Variants in PCDHGB3 observed in about 807,000 individuals in gnomAD.
PCDHGB3 encodes protocadherin gamma subfamily B, 3, also known as protocadherin gamma-B3.
PCDHGB3 carries 40 observed loss-of-function variants against 59.2 expected under a neutral mutation model. The observed-to-expected ratio is 0.68, with a 90% CI of 0.52 to 0.88. PCDHGB3 has a LOEUF of 0.88. Among genes scored for constraint, PCDHGB3 ranks in the 40% least tolerant of loss-of-function variants. The probability of loss-of-function intolerance (pLI) is 0.00; values close to 1 mark genes in which losing one functional copy is unlikely to be tolerated. For synonymous variants in PCDHGB3, 581 were observed against 503.6 expected (o/e 1.15, Z -2.06); for missense variants, 1,309 against 1,187.9 (o/e 1.10, Z -1.50).
chr5:141,455,616 A>G (rs2154565146), intron 1 of PCDHGB3, among the ~76,000 whole-genome samples: 1 of 152,244 alleles, frequency 6.6e-6, no homozygotes, highest in South Asian at 2.1e-4. Flanking sequence ...GGATGTTCTA[A>G]ACACGTGGAG....
intron 1 of PCDHGB3, chr5:141,399,194 C>T (rs770516092): frequency 1.2e-6 from 2 of 1,613,838 alleles, no homozygotes; most frequent in South Asian, 1.1e-5. Context: ...CTGGAAAACG[C>T]GGTGCCTGGA....
At chr5:141,389,091 G>A (rs1303132964) in intron 1 of PCDHGB3, 1 of 1,614,038 alleles carries the variant, frequency 6.2e-7, no homozygotes, top group Non-Finnish European at 8.5e-7. Flanking sequence ...GTATAAATTA[G>A]TGACAGATGC....
chr5:141,395,542 TTGTGTGTGTG>T lies in PCDHGB3; in HGVS notation c.2415+22773_2415+22782del, dbSNP rs55729045. 945 of 172,430 alleles carry T rather than the reference TTGTGTGTGTG, an allele frequency of 5.5e-3. 2 individuals carry two copies. The highest frequency in any genetic ancestry group is 0.011 in the African/African-American group (192 of 17,544). 10.7% of individuals were successfully genotyped at this position (172,430 alleles called of 1,614,324 possible). A position where few individuals can be genotyped will look rare whatever the true frequency, so the allele number is the denominator to read the frequency against. On this transcript the variant is annotated intron_variant, in intron 1 of 3. Coordinates refer to ENST00000576222, the MANE Select transcript of PCDHGB3 (RefSeq NM_018924.5). ...TCCATACTGGTAATTTTGCTATTGT[TTGTGTGTGTG>T]TGTGTGTGTGTGTGTGTGTGTGTGT...
intron 1 of PCDHGB3, among the ~76,000 whole-genome samples, chr5:141,457,155 A>G (rs1403164805): frequency 1.3e-5 from 2 of 152,216 alleles, no homozygotes; most frequent in Admixed American, 6.5e-5. Flanking sequence ...AGAAGGTGCT[A>G]CCATGGATAA....
intron 1 of PCDHGB3, chr5:141,418,622 G>C: frequency 6.2e-7 from 1 of 1,614,026 alleles, no homozygotes; most frequent in Non-Finnish European, 8.5e-7. Context: ...TCGGGAAGAC[G>C]TGCCTCCAGG....
At position 141,431,897 on chromosome 5, in the gene PCDHGB3, G is replaced by C. The variant is rs1591112104; in HGVS notation, c.2415+59088G>C. 6.2e-7 allele frequency: 1 copy of C among 1,613,830 alleles called. No homozygotes were observed. The highest frequency in any genetic ancestry group is 8.5e-7 in the Non-Finnish European group (1 of 1,179,704). ...AAATGACCAAGATTCTGAGGAAAAC[G>C]GACAGGTGATCTGTTTCATCCAAGG... On this transcript the variant is annotated intron_variant, in intron 1 of 3. Coordinates refer to ENST00000576222, the MANE Select transcript of PCDHGB3 (RefSeq NM_018924.5). The surrounding 1 kb of genome is among the most constrained non-coding windows in gnomAD (Gnocchi z 4.8).
chr5:141,505,270 G>C, intron 2 of PCDHGB3, 123 bp from the exon 3 acceptor site: 1 of 1,520,726 alleles, frequency 6.6e-7, no homozygotes, highest in African/African-American at 1.4e-5. Context: ...CTTGCTGAGA[G>C]AAACAGGTCT....
At chr5:141,396,813 T>A (rs1031435038) in intron 1 of PCDHGB3, among the ~76,000 whole-genome samples, 3 of 152,240 alleles carry the variant, frequency 2.0e-5, no homozygotes, top group Admixed American at 6.5e-5. Context: ...AGTGTTCTAC[T>A]GTATGGTGCA....
intron 1 of PCDHGB3, chr5:141,415,086 G>C: frequency 5.6e-6 from 9 of 1,613,554 alleles, no homozygotes; most frequent in Non-Finnish European, 6.8e-6. Context: ...GAGCCCTGCT[G>C]GACAGAGACG....
Position 141,419,064 on chromosome 5 carries a change from A to G in PCDHGB3, c.2415+46255A>G, listed in dbSNP as rs149057484. ...ATTCATTCTTCTTCTAATAATTACT[A>G]CAAGCTAGTAACAGATGAGGCCCTG... On this transcript the variant is annotated intron_variant, in intron 1 of 3. Transcript: ENST00000576222. 51 of 1,613,962 alleles carry G rather than the reference A, an allele frequency of 3.2e-5. No homozygotes were observed. In the African/African-American group the frequency reaches 5.9e-4, roughly 19 times the overall value.
chr5:141,422,359 G>A, intron 1 of PCDHGB3: 1 of 1,558,858 alleles, frequency 6.4e-7, no homozygotes, highest in Non-Finnish European at 8.6e-7. Flanking sequence ...TCAAGATTCT[G>A]GAGAAAATGG....
intron 1 of PCDHGB3, among the ~76,000 whole-genome samples, chr5:141,405,659 G>A (rs867774573): frequency 2.0e-5 from 3 of 152,106 alleles, no homozygotes; most frequent in Non-Finnish European, 4.4e-5. Flanking sequence ...TGTGTTTTTA[G>A]TAGAGACGGG....
chr5:141,474,242 G>A (rs575397598), intron 1 of PCDHGB3, among the ~76,000 whole-genome samples: 1 of 152,192 alleles, frequency 6.6e-6, no homozygotes, highest in African/African-American at 2.4e-5. Context: ...GCTGAATAGG[G>A]GAAAAAAAGA....
At chr5:141,441,981 C>A in intron 1 of PCDHGB3, 1 of 278,140 alleles carries the variant, frequency 3.6e-6, no homozygotes, top group South Asian at 3.6e-5. Context: ...GCCTGGAATG[C>A]GCACCGACGA....
chr5:141,485,888 G>T lies in PCDHGB3; in HGVS notation c.2416-8919G>T, dbSNP rs1166795987. 3 of 1,614,028 alleles carry T rather than the reference G, an allele frequency of 1.9e-6. No homozygotes were observed. The highest frequency in any genetic ancestry group is 2.5e-6 in the Non-Finnish European group (3 of 1,180,032). ...ATCCGTGCTGGACGTAAACGACAAC[G>T]CCCCAGCCTTCCAGCAATCCAGCTA... On this transcript the variant is annotated intron_variant, in intron 1 of 3. Coordinates refer to ENST00000576222, the MANE Select transcript of PCDHGB3 (RefSeq NM_018924.5). The surrounding 1 kb of genome is among the most constrained non-coding windows in gnomAD (Gnocchi z 5.7).
Position 141,485,094 on chromosome 5 carries a change from C to A in PCDHGB3, c.2416-9713C>A. ...GGCGCGGGGAAAGGGAGATAGGTGT[C>A]TCCAGCTGCTGTGGCTGTTTGGGGC... On this transcript the variant is annotated intron_variant, in intron 1 of 3. Coordinates refer to ENST00000576222, the MANE Select transcript of PCDHGB3 (RefSeq NM_018924.5). The surrounding 1 kb of genome is among the most constrained non-coding windows in gnomAD (Gnocchi z 5.7). 9.1e-7 allele frequency: 1 copy of A among 1,100,766 alleles called. No individual in the cohort carries two copies. Among genetic ancestry groups the A allele is most frequent in the Non-Finnish European group, 1.4e-6 (1 of 736,922 alleles). The allele number at this position is 1,100,766 out of a possible 1,614,324, so 68.2% of individuals were successfully genotyped here. A position where few individuals can be genotyped will look rare whatever the true frequency, so the allele number is the denominator to read the frequency against.
At chr5:141,374,056 T>A in intron 1 of PCDHGB3, 1 of 1,485,728 alleles carries the variant, frequency 6.7e-7, no homozygotes, top group Non-Finnish European at 8.9e-7. Context: ...CTCTTCTTAA[T>A]CCCAGAGAAG....
At chr5:141,415,490 T>C in intron 1 of PCDHGB3, 2 of 1,614,228 alleles carry the variant, frequency 1.2e-6, no homozygotes, top group Admixed American at 3.3e-5. Flanking sequence ...AAGAGTCACC[T>C]GATCTTCCCC....
chr5:141,488,312 A>G lies in PCDHGB3; in HGVS notation c.2416-6495A>G, dbSNP rs952247975. 7.9e-5 allele frequency among the ~76,000 whole-genome samples: 12 copies of G among 152,286 alleles called. 1 individual carries two copies. Among genetic ancestry groups the G allele is most frequent in the African/African-American group, 2.9e-4 (12 of 41,558 alleles). On this transcript the variant is annotated intron_variant, in intron 1 of 3. Coordinates refer to ENST00000576222, the MANE Select transcript of PCDHGB3 (RefSeq NM_018924.5). ...AGTAAGTGAAATCACTTATGTCAGA[A>G]AACTGGTTTACAGTTGGCTGATTCA...
Sources: allele counts gnomAD v4.1 joint callset (sites outside exome capture counted in the v4.1 genomes callset), GRCh38; gene constraint gnomAD v4.1.1; non-coding constraint Gnocchi (gnomAD v3.1); transcripts MANE v1.5; gene names NCBI Gene and HGNC (gene_info 2026-07-23, HGNC 2026-07-21).